The following EPHA6 variants were observed in gnomAD, a reference collection of about 807,000 sequenced individuals.
EPHA6 encodes the protein ephrin type-A receptor 6.
Under a neutral mutation model 112.0 loss-of-function variants are expected in EPHA6, and 50 were observed. The observed-to-expected ratio is 0.45, with a 90% confidence interval of 0.36 to 0.56. The LOEUF is 0.56. EPHA6 is among the 20% of genes least tolerant of loss of function. EPHA6 has a pLI of 0.00. For synonymous variants in EPHA6, 529 were observed against 490.7 expected, an observed-to-expected ratio of 1.08 and a Z score of -1.03; for missense variants, 1,280 against 1,417.4, an observed-to-expected ratio of 0.90 and a Z score of 1.56.
At chr3:97,465,479 G>A (rs1487420277) in intron 7 of EPHA6, among the ~76,000 whole-genome samples, 6 of 151,932 alleles carry the variant, frequency 3.9e-5, no homozygotes. Context: ...TGCTACCATG[G>A]GGTTGGCCTT....
rs770856784 is a variant in EPHA6 at position 97,405,196 on chromosome 3, T to C, written c.1653T>C (p.Asn551=). ...TAAGGAAGGACTGGGCATCCCAAAA[T>C]AGCATTGCCCTATCATGGCAAGCAC... ...GVVRKDWASQ[N]SIALSWQAPA... The change falls in exon 6 of 18, where the codon AAT becomes AAC. Residue 551 remains asparagine, a synonymous_variant. Coordinates refer to ENST00000389672, the MANE Select transcript of EPHA6 (RefSeq NM_001080448.3). The C allele has an allele frequency of 3.7e-6, 6 of 1,607,514 alleles. No individual in the cohort carries two copies. The highest frequency in any genetic ancestry group is 5.1e-6 in the Non-Finnish European group (6 of 1,176,512).
chr3:97,427,054 G>T (rs569349301), intron 6 of EPHA6, among the ~76,000 whole-genome samples: 22 of 152,176 alleles, frequency 1.4e-4, no homozygotes, highest in Admixed American at 7.2e-4. Context: ...ATACTAGCGA[G>T]GTTGCAGAGA....
chr3:96,937,369 A>T (rs1344869511), intron 2 of EPHA6, among the ~76,000 whole-genome samples: 5 of 151,956 alleles, frequency 3.3e-5, no homozygotes, highest in African/African-American at 1.2e-4. Flanking sequence ...GATGATGAGC[A>T]TTTTTTCATG....
chr3:96,927,549 G>A (rs758616769), intron 2 of EPHA6, among the ~76,000 whole-genome samples: 2 of 152,064 alleles, frequency 1.3e-5, no homozygotes, highest in African/African-American at 2.4e-5. Flanking sequence ...CTCTAGGGTG[G>A]GGGCAAAATG....
chr3:97,576,039 T>G lies in EPHA6; in HGVS notation c.2387-16573T>G, dbSNP rs546473518. On this transcript the variant is annotated intron_variant, in intron 11 of 17. Transcript: ENST00000389672. ...CTAGCTAAATGGTCAAGTCTTTTCA[T>G]GAAGATAAGGAACACAGTGTGGGGA... Among the ~76,000 whole-genome samples the G allele has an allele frequency of 2.6e-5, 4 of 152,174 alleles. No individual in the cohort carries two copies. In the East Asian group the frequency reaches 7.8e-4, roughly 30 times the overall value.
intron 5 of EPHA6, among the ~76,000 whole-genome samples, chr3:97,255,901 C>T (rs9866693): frequency 0.036 from 5,483 of 152,042 alleles, 349 homozygotes; most frequent in African/African-American, 0.12. Flanking sequence ...TATGAAAACT[C>T]GTTTAGTTCT....
chr3:97,657,546 C>T lies in EPHA6; in HGVS notation c.2784+19464C>T, dbSNP rs368135752. 9.2e-5 allele frequency among the ~76,000 whole-genome samples: 14 copies of T among 151,906 alleles called. No individual in the cohort carries two copies. The South Asian group carries it at 2.7e-3, about 29-fold the overall frequency. ...GCTGTGATTTTAATCTCAGCTTGGC[C>T]ATAATTCAGTGAACAGACACGAATC... On this transcript the variant is annotated intron_variant, in intron 14 of 17. Transcript: ENST00000389672.
intron 3 of EPHA6, among the ~76,000 whole-genome samples, chr3:97,090,127 C>T (rs1049497037): frequency 8.6e-5 from 13 of 151,942 alleles, no homozygotes; most frequent in Non-Finnish European, 1.8e-4. Context: ...ACTATATTCC[C>T]TTCATGCTAG....
chr3:97,342,206 G>T (rs1022531276), intron 5 of EPHA6, among the ~76,000 whole-genome samples: 1 of 152,118 alleles, frequency 6.6e-6, no homozygotes, highest in Non-Finnish European at 1.5e-5. Context: ...TATGGCTTCT[G>T]TGTGTTTTTA....
intron 3 of EPHA6, among the ~76,000 whole-genome samples, chr3:97,171,828 A>G (rs2076710179): frequency 6.6e-6 from 1 of 152,064 alleles, no homozygotes; most frequent in African/African-American, 2.4e-5. Context: ...CCAAGAGCCA[A>G]TCCGGAGTAG....
At chr3:97,441,651 G>T (rs2090141433) in intron 6 of EPHA6, among the ~76,000 whole-genome samples, 1 of 151,960 alleles carries the variant, frequency 6.6e-6, no homozygotes, top group Admixed American at 6.6e-5. Flanking sequence ...TATAGATGAA[G>T]TTATATAGGT....
At chr3:97,242,574 G>A (rs886219590) in intron 4 of EPHA6, among the ~76,000 whole-genome samples, 11 of 151,826 alleles carry the variant, frequency 7.2e-5, no homozygotes, top group Non-Finnish European at 1.6e-4. Context: ...AATAACAAGA[G>A]AGAAGGAATA....
intron 3 of EPHA6, among the ~76,000 whole-genome samples, chr3:97,116,343 A>G (rs1438514723): frequency 6.6e-6 from 1 of 151,732 alleles, no homozygotes; most frequent in Non-Finnish European, 1.5e-5. Flanking sequence ...TCACATAGTT[A>G]TATCTGTGTG....
chr3:97,750,237 G>A lies in EPHA6; in HGVS notation c.*1536G>A, dbSNP rs1222245885. Among the ~76,000 whole-genome samples, 1 of 151,314 alleles carries A rather than the reference G, an allele frequency of 6.6e-6. No homozygotes were observed. Among genetic ancestry groups the A allele is most frequent in the Non-Finnish European group, 1.5e-5 (1 of 67,900 alleles). ...GCTTTTGTTGGATCTCAGTGATAAT[G>A]GTGCCCTACCTACCCTAATTCTCAA... On this transcript the variant is annotated 3_prime_UTR_variant, in exon 18 of 18. Transcript: ENST00000389672.
chr3:97,213,997 C>CTGTGTGTGTGTGTG lies in EPHA6; in HGVS notation c.1115-12238_1115-12225dup, dbSNP rs10557927. Among the ~76,000 whole-genome samples the CTGTGTGTGTGTGTG allele has an allele frequency of 3.5e-4, 45 of 128,936 alleles. 1 individual carries two copies. The highest frequency in any genetic ancestry group is 1.4e-3 in the African/African-American group (44 of 31,442). 84.6% of individuals were successfully genotyped at this position (128,936 alleles called of 152,430 possible). ...TTATCTAATCATAATCTCATGTGTT[C>CTGTGTGTGTGTGTG]TGTGTGTGTGTGTGTGTGTGTGTGT... On this transcript the variant is annotated intron_variant, in intron 3 of 17. Coordinates refer to ENST00000389672, the MANE Select transcript of EPHA6 (RefSeq NM_001080448.3).
intron 5 of EPHA6, among the ~76,000 whole-genome samples, chr3:97,310,040 A>C (rs1391165181): frequency 6.6e-6 from 1 of 151,664 alleles, no homozygotes; most frequent in Admixed American, 6.6e-5. Flanking sequence ...TTCATTAATA[A>C]ATCTTTAGAA....
chr3:97,159,538 T>C (rs1022435546), intron 3 of EPHA6, among the ~76,000 whole-genome samples: 9 of 152,160 alleles, frequency 5.9e-5, no homozygotes, highest in African/African-American at 2.2e-4. Flanking sequence ...TTATGGCTGC[T>C]GGAGAAGCCA....
intron 2 of EPHA6, among the ~76,000 whole-genome samples, chr3:96,972,559 A>G (rs2042358552): frequency 6.6e-6 from 1 of 152,006 alleles, no homozygotes; most frequent in Admixed American, 6.6e-5. Context: ...ACCTACTGTC[A>G]GCATATTTAA....
chr3:97,638,194 G>C lies in EPHA6; in HGVS notation c.2784+112G>C. 1.5e-5 allele frequency: 11 copies of C among 738,412 alleles called. No individual in the cohort carries two copies. In the South Asian group the frequency reaches 1.5e-4, roughly 10 times the overall value. 45.7% of individuals were successfully genotyped at this position (738,412 alleles called of 1,614,324 possible). ...ATTTTCTGCTTGTATTTATTACTTT[G>C]CTAATTTGATATCATTATTTAATTG... On this transcript the variant is annotated intron_variant, in intron 14 of 17. Transcript: ENST00000389672.
Sources: gnomAD v4.1 joint callset for allele counts (sites outside exome capture counted in the v4.1 genomes callset) on GRCh38, gnomAD v4.1.1 for gene constraint, MANE v1.5 for transcripts, NCBI Gene and HGNC (gene_info 2026-07-23, HGNC 2026-07-21) for gene names.